Variants in NECTIN4 observed in about 807,000 individuals in gnomAD.
The protein encoded by NECTIN4 is nectin-4.
Under a neutral mutation model 51.7 loss-of-function variants are expected in NECTIN4, and 19 were observed. That is an observed-to-expected ratio of 0.37 (90% CI 0.26 to 0.54). The LOEUF (loss-of-function observed/expected upper bound fraction) is 0.54. Ranked by LOEUF, NECTIN4 falls within the 20% of genes least tolerant of loss-of-function variation. The pLI is 0.86. For missense variants in NECTIN4, 619 were observed against 662.4 expected, an observed-to-expected ratio of 0.93 and a Z score of 0.72; for synonymous variants, 283 against 286.9, an observed-to-expected ratio of 0.99 and a Z score of 0.14.
At chr1:161,083,724 C>T (rs1297165450) in intron 1 of NECTIN4, among the ~76,000 whole-genome samples, 3 of 152,354 alleles carry the variant, frequency 2.0e-5, no homozygotes, top group African/African-American at 4.8e-5. Context: ...ACTGGCCAGA[C>T]GGGATCCCTG....
At chr1:161,075,338 G>A (rs4559524) in intron 4 of NECTIN4, among the ~76,000 whole-genome samples, 17,310 of 152,250 alleles carry the variant, frequency 0.11, 1,038 homozygotes, top group Admixed American at 0.13. Context: ...TTTTTGAGGT[G>A]CTAGCAATAT....
At chr1:161,082,304 G>A (rs972598026) in intron 1 of NECTIN4, among the ~76,000 whole-genome samples, 3 of 152,046 alleles carry the variant, frequency 2.0e-5, no homozygotes, top group Non-Finnish European at 4.4e-5. Flanking sequence ...CTCCAGCTTG[G>A]GCAACAAAGC....
At position 161,072,779 on chromosome 1, in the gene NECTIN4, T is replaced by C; in HGVS notation, c.1415A>G (p.Glu472Gly). The C allele has an allele frequency of 1.2e-6, 2 of 1,614,216 alleles. No individual in the cohort carries two copies. Among genetic ancestry groups the C allele is most frequent in the Non-Finnish European group, 1.7e-6 (2 of 1,180,038 alleles). ...SPGSGRAEEEEDQDEGIKQAM... is the reference protein window; with the variant it reads ...SPGSGRAEEEGDQDEGIKQAM... Reference sequence around the variant, plus strand: ...CTGTTTGATGCCTTCATCCTGATCTTCCTCCTCCTCGGCCCGCCCAGAGCC... The same window carrying C: ...CTGTTTGATGCCTTCATCCTGATCTCCCTCCTCCTCGGCCCGCCCAGAGCC... The change falls in exon 9 of 9, where the codon GAA (glutamate) becomes GGA (glycine). Residue 472 changes from glutamate (E) to glycine (G), a missense_variant. This residue lies in a region of NECTIN4 where 364 missense variants were observed against 415.7 expected (regional missense o/e 0.88). Coordinates refer to ENST00000368012, the MANE Select transcript of NECTIN4 (RefSeq NM_030916.3).
intron 3 of NECTIN4, 97 bp downstream of exon 3, chr1:161,077,356 C>T: frequency 7.3e-7 from 1 of 1,374,040 alleles, no homozygotes; most frequent in South Asian, 1.2e-5. Flanking sequence ...CTCCAGGACC[C>T]AGGCTGGCCA....
intron 5 of NECTIN4, 72 bp from the exon 6 acceptor site, chr1:161,074,445 C>G (rs768918761): frequency 8.7e-6 from 14 of 1,606,272 alleles, no homozygotes; most frequent in African/African-American, 5.4e-5. Context: ...ACAGCTCCCC[C>G]GCAAAACATC....
chr1:161,084,194 A>G (rs930862133), intron 1 of NECTIN4, among the ~76,000 whole-genome samples: 3 of 152,264 alleles, frequency 2.0e-5, no homozygotes, highest in Admixed American at 1.3e-4. Flanking sequence ...TGTTTGGCAC[A>G]TATATGTGTT....
Position 161,072,538 on chromosome 1 carries a change from A to C in NECTIN4, c.*123T>G. The C allele has an allele frequency of 1.2e-6, 1 of 811,250 alleles. No individual in the cohort carries two copies. The highest frequency in any genetic ancestry group is 2.1e-6 in the Non-Finnish European group (1 of 470,064). 50.3% of individuals were successfully genotyped at this position (811,250 alleles called of 1,614,324 possible). Reference sequence around the variant, plus strand: ...GAAGGGTTGGAGGTAAAGGTCAAGCAGTCAGTGGGATGGGGAGCATCTTCC... The same window carrying C: ...GAAGGGTTGGAGGTAAAGGTCAAGCCGTCAGTGGGATGGGGAGCATCTTCC... On this transcript the variant is annotated 3_prime_UTR_variant, in exon 9 of 9. Coordinates refer to ENST00000368012, the MANE Select transcript of NECTIN4 (RefSeq NM_030916.3).
intron 1 of NECTIN4, among the ~76,000 whole-genome samples, chr1:161,086,413 C>A (rs906445084): frequency 6.6e-6 from 1 of 152,210 alleles, no homozygotes; most frequent in Admixed American, 6.5e-5. Context: ...GCCTGCCCCC[C>A]TCTGTAAACA....
At chr1:161,076,043 TC>T (rs1424922608) in intron 4 of NECTIN4, among the ~76,000 whole-genome samples, 1 of 152,116 alleles carries the variant, frequency 6.6e-6, no homozygotes, top group Non-Finnish European at 1.5e-5. Flanking sequence ...GCCACTGCAC[TC>T]CAGCCTGGCG....
At chr1:161,078,845 A>G (rs991882720) in intron 2 of NECTIN4, among the ~76,000 whole-genome samples, 1 of 151,866 alleles carries the variant, frequency 6.6e-6, no homozygotes, top group Non-Finnish European at 1.5e-5. Flanking sequence ...CCTTGTCTCT[A>G]CTAAAAATAC....
chr1:161,074,639 C>T lies in NECTIN4; in HGVS notation c.972G>A (p.Arg324=), dbSNP rs866379253. The T allele has an allele frequency of 6.2e-7, 1 of 1,614,140 alleles. No individual in the cohort carries two copies. The highest frequency in any genetic ancestry group is 1.3e-5 in the African/African-American group (1 of 74,946). Residue 324 remains arginine (R), a synonymous_variant, in exon 5 of 9, where the codon AGG becomes AGA. Coordinates refer to ENST00000368012, the MANE Select transcript of NECTIN4 (RefSeq NM_030916.3). ...GAACATCCACAGTGACCTGAGAATCCCTTGAGGAGAACTCATTGCTGACAT... is the reference window on the plus strand; with the variant it reads ...GAACATCCACAGTGACCTGAGAATCTCTTGAGGAGAACTCATTGCTGACAT... ...VCHVSNEFSS[R]DSQVTVDVLD... is the part of the protein sequence containing the mutation.
At chr1:161,073,363 C>T in intron 7 of NECTIN4, 64 bp from the exon 8 acceptor site, 2 of 1,385,142 alleles carry the variant, frequency 1.4e-6, no homozygotes, top group Non-Finnish European at 2.0e-6. Context: ...GCCTCTTCCC[C>T]TCTTGTCCTC....
At chr1:161,087,917 T>A (rs911345807) in intron 1 of NECTIN4, among the ~76,000 whole-genome samples, 7 of 152,156 alleles carry the variant, frequency 4.6e-5, no homozygotes, top group Admixed American at 2.6e-4. Context: ...GACTCCACTC[T>A]TTAAGTGTGG....
At chr1:161,082,367 TG>T (rs1653722266) in intron 1 of NECTIN4, among the ~76,000 whole-genome samples, 1 of 151,942 alleles carries the variant, frequency 6.6e-6, no homozygotes, top group Admixed American at 6.6e-5. Context: ...AGCATTGGGC[TG>T]GCCAGGGAGG....
At chr1:161,072,988 G>A (rs1653245517) in intron 8 of NECTIN4, 103 bp from the exon 9 acceptor site, 2 of 1,200,778 alleles carry the variant, frequency 1.7e-6, no homozygotes, top group Non-Finnish European at 2.4e-6. Flanking sequence ...GGCGTAAGCA[G>A]GGGTAACGGT....
chr1:161,077,879 G>T, intron 2 of NECTIN4, 136 bp from the exon 3 acceptor site: 1 of 789,832 alleles, frequency 1.3e-6, no homozygotes, highest in Non-Finnish European at 2.0e-6. Flanking sequence ...AGACGCAGAT[G>T]AATGGTAGAA....
chr1:161,077,194 T>C (rs1418658971), intron 3 of NECTIN4, among the ~76,000 whole-genome samples: 1 of 152,248 alleles, frequency 6.6e-6, no homozygotes, highest in Non-Finnish European at 1.5e-5. Context: ...TTCAATTCCA[T>C]GTTTCTAATT....
At position 161,089,074 on chromosome 1, in the gene NECTIN4, G is replaced by T. The variant is rs1360790956; in HGVS notation, c.79+144C>A. 1.2e-6 allele frequency: 1 copy of T among 819,800 alleles called. No individual in the cohort carries two copies. Among genetic ancestry groups the T allele is most frequent in the East Asian group, 2.5e-5 (1 of 40,172 alleles). The allele number at this position is 819,800 out of a possible 1,614,324, so 50.8% of individuals were successfully genotyped here. A position where few individuals can be genotyped will look rare whatever the true frequency, so the allele number is the denominator to read the frequency against. On this transcript the variant is annotated intron_variant, in intron 1 of 8. Coordinates refer to ENST00000368012, the MANE Select transcript of NECTIN4 (RefSeq NM_030916.3). This position sits in a 1 kb window ranked among gnomAD's most constrained non-coding sequence, Gnocchi z 4.1. ...TCTGGGGGCACTGCTGGAAGCTGGG[G>T]GCAGGAGAGACTGGATCCTCAGTTC...
chr1:161,088,243 G>A (rs1237091631), intron 1 of NECTIN4, among the ~76,000 whole-genome samples: 1 of 152,098 alleles, frequency 6.6e-6, no homozygotes, highest in Non-Finnish European at 1.5e-5. Flanking sequence ...GGGCAACAGA[G>A]GCTCCCTTGC....
Sources: gnomAD v4.1 joint callset for allele counts (sites outside exome capture counted in the v4.1 genomes callset) on GRCh38, gnomAD v4.1.1 for gene constraint, gnomAD v4.1.1 regional missense constraint, Gnocchi (gnomAD v3.1) non-coding constraint, MANE v1.5 for transcripts, NCBI Gene and HGNC (gene_info 2026-07-23, HGNC 2026-07-21) for gene names.